GRB14: variants seen among roughly 807,000 people sequenced by gnomAD.
The protein encoded by GRB14 is growth factor receptor-bound protein 14.
GRB14 carries 38 observed loss-of-function variants against 69.1 expected under a neutral mutation model. That is an observed-to-expected ratio of 0.55 (90% CI 0.42 to 0.72). The LOEUF (loss-of-function observed/expected upper bound fraction) is 0.72. Among genes scored for constraint, GRB14 ranks in the 30% least tolerant of loss-of-function variants. GRB14 has a pLI of 0.00. For synonymous variants in GRB14, 247 were observed against 241.3 expected (o/e 1.02, Z -0.22); for missense variants, 666 against 666.1 (o/e 1.00, Z 0.00).
intron 2 of GRB14, among the ~76,000 whole-genome samples, chr2:164,599,720 T>C (rs1433585821): frequency 6.6e-6 from 1 of 152,240 alleles, no homozygotes; most frequent in Non-Finnish European, 1.5e-5. Context: ...AAATAGCATA[T>C]TATGATGTGA....
At chr2:164,573,523 A>T (rs1232358853) in intron 2 of GRB14, among the ~76,000 whole-genome samples, 1 of 152,342 alleles carries the variant, frequency 6.6e-6, no homozygotes, top group Non-Finnish European at 1.5e-5. Flanking sequence ...TCTTTTTTTT[A>T]AATGAATCAA....
rs993631222 is a variant in GRB14 at position 164,621,188 on chromosome 2, G to C, written c.122C>G (p.Pro41Arg). ...CGCTCGCGCGTGCAGCCAGGGGGCC[G>C]GCGCCAGGTCGTGGGCGTCGCCCCT... Reference protein sequence around the residue: ...QGRGDAHDLAPAPWLHARALL... With the variant: ...QGRGDAHDLARAPWLHARALL... Residue 41 changes from proline to arginine, a missense_variant, in exon 1 of 14, where the codon CCG (proline) becomes CGG (arginine). Transcript: ENST00000263915. This position sits in a 1 kb window ranked among gnomAD's most constrained non-coding sequence, Gnocchi z 6.0. 4 of 1,243,284 alleles carry C rather than the reference G, an allele frequency of 3.2e-6. No individual in the cohort carries two copies. Among genetic ancestry groups the C allele is most frequent in the Non-Finnish European group, 4.0e-6 (4 of 988,414 alleles). The allele number at this position is 1,243,284 out of a possible 1,614,324, so 77.0% of individuals were successfully genotyped here.
chr2:164,567,985 A>G (rs974174848), intron 2 of GRB14, among the ~76,000 whole-genome samples: 3 of 152,178 alleles, frequency 2.0e-5, no homozygotes, highest in Admixed American at 6.5e-5. Flanking sequence ...CAGATTTCCT[A>G]CTGAGCTAAA....
intron 2 of GRB14, among the ~76,000 whole-genome samples, chr2:164,576,324 G>T (rs1689249866): frequency 6.7e-6 from 1 of 150,280 alleles, no homozygotes; most frequent in Non-Finnish European, 1.5e-5. Context: ...TATAAATAGG[G>T]TAACATAATA....
At chr2:164,517,624 C>G (rs1390178818) in intron 6 of GRB14, among the ~76,000 whole-genome samples, 1 of 152,030 alleles carries the variant, frequency 6.6e-6, no homozygotes, top group Admixed American at 6.6e-5. Context: ...AAGAGACTCA[C>G]ATAACACATA....
intron 2 of GRB14, among the ~76,000 whole-genome samples, chr2:164,586,122 T>C (rs1689532813): frequency 6.6e-6 from 1 of 152,148 alleles, no homozygotes. Context: ...GAAGAGGTCA[T>C]GAAGTTGAAC....
intron 12 of GRB14, among the ~76,000 whole-genome samples, chr2:164,496,064 A>C (rs1349170043): frequency 1.3e-5 from 2 of 152,220 alleles, no homozygotes; most frequent in Non-Finnish European, 2.9e-5. Context: ...CATGCAAAGA[A>C]ACGTATTAAA....
chr2:164,524,769 T>A (rs1389985899), intron 5 of GRB14, among the ~76,000 whole-genome samples: 3 of 152,042 alleles, frequency 2.0e-5, no homozygotes, highest in Non-Finnish European at 4.4e-5. Context: ...TTTTTAAATA[T>A]GTAAAATCCT....
At chr2:164,503,479 AGAG>A (rs1687118862) in intron 8 of GRB14, among the ~76,000 whole-genome samples, 2 of 138,886 alleles carry the variant, frequency 1.4e-5, no homozygotes, top group Non-Finnish European at 3.0e-5. Context: ...AAAAAAAATC[AGAG>A]GAGGTCTAAA....
intron 13 of GRB14, 70 bp downstream of exon 13, chr2:164,494,361 G>A (rs1034968599): frequency 2.4e-5 from 20 of 818,696 alleles, no homozygotes; most frequent in Non-Finnish European, 4.2e-5. Context: ...AAAAGCTTAT[G>A]CATTAAGATC....
At chr2:164,493,292 T>A in intron 13 of GRB14, 110 bp from the exon 14 acceptor site, 1 of 908,376 alleles carries the variant, frequency 1.1e-6, no homozygotes, top group East Asian at 2.7e-5. Flanking sequence ...TTTATAAAAC[T>A]AAAAGACAGT....
chr2:164,611,979 C>G (rs1277019328), intron 2 of GRB14, among the ~76,000 whole-genome samples: 1 of 152,106 alleles, frequency 6.6e-6, no homozygotes, highest in Non-Finnish European at 1.5e-5. Flanking sequence ...ATCACTTGCT[C>G]TAGGAATACA....
At chr2:164,513,771 A>G (rs1687402836) in intron 6 of GRB14, among the ~76,000 whole-genome samples, 2 of 152,214 alleles carry the variant, frequency 1.3e-5, no homozygotes, top group South Asian at 4.1e-4. Flanking sequence ...ACTGCCAGAG[A>G]AAAAAGACAG....
chr2:164,579,003 CGAA>C (rs1689323911), intron 2 of GRB14, among the ~76,000 whole-genome samples: 1 of 151,730 alleles, frequency 6.6e-6, no homozygotes, highest in Admixed American at 6.6e-5. Context: ...TATGGACTAA[CGAA>C]GAACTGTTAA....
At chr2:164,573,075 T>A (rs77028728) in intron 2 of GRB14, among the ~76,000 whole-genome samples, 3 of 152,184 alleles carry the variant, frequency 2.0e-5, no homozygotes, top group South Asian at 4.2e-4. Context: ...TGTTTTGTAA[T>A]TTTTTTTAGG....
chr2:164,619,927 A>C, intron 1 of GRB14, 108 bp from the exon 2 acceptor site: 1 of 849,680 alleles, frequency 1.2e-6, no homozygotes, highest in Non-Finnish European at 1.9e-6. Flanking sequence ...CTCTGTGACA[A>C]GGCTCATATT....
chr2:164,494,607 G>A (rs1403230882), intron 12 of GRB14, 83 bp from the exon 13 acceptor site: 20 of 822,524 alleles, frequency 2.4e-5, no homozygotes, highest in Middle Eastern at 2.5e-4. Flanking sequence ...TCCAAGAAGT[G>A]TATGCATAAA....
intron 9 of GRB14, among the ~76,000 whole-genome samples, chr2:164,499,912 T>C (rs1687004255): frequency 6.6e-6 from 1 of 152,188 alleles, no homozygotes; most frequent in South Asian, 2.1e-4. Context: ...TAATGGTTTC[T>C]AGATTATACA....
chr2:164,547,642 A>G lies in GRB14; in HGVS notation c.481+18T>C, dbSNP rs751679510. On this transcript the variant is annotated intron_variant, in intron 3 of 13. Transcript: ENST00000263915. ...AATAGAAAAGCAATGATGTGAGACA[A>G]TAACTCCGTATCCTTACCTACACCT... 5.0e-6 allele frequency: 8 copies of G among 1,597,246 alleles called. No homozygotes were observed. The South Asian group carries it at 6.8e-5, about 14-fold the overall frequency.
Sources: gnomAD v4.1 joint callset for allele counts (sites outside exome capture counted in the v4.1 genomes callset) on GRCh38, gnomAD v4.1.1 for gene constraint, Gnocchi (gnomAD v3.1) non-coding constraint, MANE v1.5 for transcripts, NCBI Gene and HGNC (gene_info 2026-07-23, HGNC 2026-07-21) for gene names.